LIN52: variants seen among roughly 807,000 people sequenced by gnomAD.
The protein encoded by LIN52 is lin-52 DREAM MuvB core complex component.
A neutral mutation model predicts 18.5 loss-of-function variants in LIN52; 4 were observed. The ratio of observed to expected loss-of-function variants is 0.22; its 90% CI spans 0.11 to 0.49. The LOEUF is 0.49. Ranked by LOEUF, LIN52 falls within the 20% of genes least tolerant of loss-of-function variation. The pLI, the probability that LIN52 is intolerant of heterozygous loss-of-function variation, is 0.97. For missense variants in LIN52, 102 were observed against 139.5 expected (o/e 0.73, Z 1.35); for synonymous variants, 34 against 45.5 (o/e 0.75, Z 1.02).
At chr14:74,158,121 A>ATTTTTT (rs370452421) in intron 5 of LIN52, among the ~76,000 whole-genome samples, 1 of 141,222 alleles carries the variant, frequency 7.1e-6, no homozygotes, top group Non-Finnish European at 1.5e-5. Flanking sequence ...ATATATATAT[A>ATTTTTT]TATATTTTTT....
chr14:74,180,833 G>A (rs2061315303), intron 5 of LIN52, among the ~76,000 whole-genome samples: 1 of 152,114 alleles, frequency 6.6e-6, no homozygotes, highest in Admixed American at 6.6e-5. Context: ...GCCTGGCTGG[G>A]CACAGTGGCT....
intron 1 of LIN52, 106 bp downstream of exon 1, chr14:74,085,099 TCTC>T (rs1159487533): frequency 1.9e-6 from 2 of 1,056,452 alleles, no homozygotes; most frequent in East Asian, 2.9e-5. Context: ...CTTGGGCTCT[TCTC>T]CTTTCCCTTT....
At chr14:74,191,912 G>A (rs564300324) in intron 5 of LIN52, among the ~76,000 whole-genome samples, 1 of 152,292 alleles carries the variant, frequency 6.6e-6, no homozygotes, top group East Asian at 1.9e-4. Context: ...TGGGATTACA[G>A]GCGTGAGCCA....
chr14:74,110,557 G>A (rs1240130593), intron 5 of LIN52, among the ~76,000 whole-genome samples: 1 of 152,018 alleles, frequency 6.6e-6, no homozygotes, highest in Admixed American at 6.6e-5. Flanking sequence ...ATAGTCCCAG[G>A]TACTCAGGAG....
intron 5 of LIN52, among the ~76,000 whole-genome samples, chr14:74,152,382 G>A (rs2061180374): frequency 6.6e-6 from 1 of 152,006 alleles, no homozygotes; most frequent in Non-Finnish European, 1.5e-5. Flanking sequence ...GTCATCAGGT[G>A]CTTGCTAAGA....
At chr14:74,175,884 G>A (rs1042363653) in intron 5 of LIN52, among the ~76,000 whole-genome samples, 1 of 151,940 alleles carries the variant, frequency 6.6e-6, no homozygotes, top group Admixed American at 6.6e-5. Flanking sequence ...GGAGGCTGAG[G>A]CAGTAGGATC....
intron 5 of LIN52, among the ~76,000 whole-genome samples, chr14:74,181,556 A>G (rs1320628955): frequency 1.4e-4 from 22 of 152,138 alleles, no homozygotes; most frequent in Admixed American, 1.2e-3. Context: ...ATCCTAAATT[A>G]TGGTCTGTAT....
intron 1 of LIN52, among the ~76,000 whole-genome samples, chr14:74,089,035 C>A (rs2060753887): frequency 1.3e-5 from 2 of 152,078 alleles, no homozygotes; most frequent in African/African-American, 4.8e-5. Flanking sequence ...TTAAAAAAAT[C>A]AATTCTGGCC....
chr14:74,194,228 T>G (rs76707714), intron 5 of LIN52, among the ~76,000 whole-genome samples: 2,790 of 152,200 alleles, frequency 0.018, 71 homozygotes, highest in African/African-American at 0.062. Flanking sequence ...CCCTCACCAG[T>G]GAGAAATCAA....
intron 5 of LIN52, among the ~76,000 whole-genome samples, chr14:74,165,113 G>A (rs568379990): frequency 1.8e-4 from 28 of 152,150 alleles, no homozygotes; most frequent in Non-Finnish European, 3.5e-4. Flanking sequence ...GTAAGGAAAA[G>A]TAATCATAGT....
chr14:74,125,229 C>G (rs909198169), intron 5 of LIN52, among the ~76,000 whole-genome samples: 2 of 152,144 alleles, frequency 1.3e-5, no homozygotes, highest in African/African-American at 4.8e-5. Flanking sequence ...ACAGTCCCAC[C>G]AACAGTGTAA....
chr14:74,096,639 G>A (rs934291128), intron 3 of LIN52, among the ~76,000 whole-genome samples: 1 of 151,994 alleles, frequency 6.6e-6, no homozygotes, highest in African/African-American at 2.4e-5. Flanking sequence ...AAGACGCAAA[G>A]CTGAAATAAT....
intron 5 of LIN52, among the ~76,000 whole-genome samples, chr14:74,171,968 C>A (rs2061273499): frequency 6.6e-6 from 1 of 152,004 alleles, no homozygotes; most frequent in Non-Finnish European, 1.5e-5. Flanking sequence ...TCTAACTGAC[C>A]TCAGATGATC....
At chr14:74,138,520 A>C (rs76238810) in intron 5 of LIN52, among the ~76,000 whole-genome samples, 1,566 of 152,274 alleles carry the variant, frequency 0.01, 32 homozygotes, top group African/African-American at 0.036. Context: ...TTGAAGGCCA[A>C]CGTGGCATGA....
At chr14:74,138,612 G>T (rs2061111147) in intron 5 of LIN52, among the ~76,000 whole-genome samples, 1 of 152,010 alleles carries the variant, frequency 6.6e-6, no homozygotes, top group African/African-American at 2.4e-5. Context: ...AAATTAGCTG[G>T]TGAGGTGGCT....
At chr14:74,114,150 A>G in intron 5 of LIN52, 2 of 978,560 alleles carry the variant, frequency 2.0e-6, no homozygotes, top group South Asian at 4.8e-5. Context: ...CCGGCCAGAA[A>G]TGCTTTTTTA....
At chr14:74,114,210 G>A in intron 5 of LIN52, 3 of 854,720 alleles carry the variant, frequency 3.5e-6, no homozygotes, top group South Asian at 5.0e-5. Context: ...GTGTGTGTGT[G>A]TGTAGTTTTA....
At chr14:74,189,043 A>G (rs1167315264) in intron 5 of LIN52, among the ~76,000 whole-genome samples, 3 of 152,170 alleles carry the variant, frequency 2.0e-5, no homozygotes, top group Admixed American at 6.5e-5. Context: ...GAAATTATCT[A>G]TACTGTGATC....
intron 5 of LIN52, among the ~76,000 whole-genome samples, chr14:74,104,588 T>C (rs201369349): frequency 7.0e-6 from 1 of 143,300 alleles, no homozygotes; most frequent in Non-Finnish European, 1.5e-5. Context: ...AGATACAGGC[T>C]TGATTTTTTT....
Sources: gnomAD v4.1 joint callset for allele counts (sites outside exome capture counted in the v4.1 genomes callset) on GRCh38, gnomAD v4.1.1 for gene constraint, MANE v1.5 for transcripts, NCBI Gene and HGNC (gene_info 2026-07-23, HGNC 2026-07-21) for gene names.